AFG3L2: variants seen among roughly 807,000 people sequenced by gnomAD.
The protein encoded by AFG3L2 is mitochondrial inner membrane m-AAA protease component AFG3L2.
In AFG3L2, 54 loss-of-function variants were observed where a neutral mutation model predicts 94.5. The observed-to-expected ratio is 0.57, with a 90% CI of 0.46 to 0.72. AFG3L2 has a LOEUF of 0.72. AFG3L2 is among the 30% of genes least tolerant of loss of function. AFG3L2 has a pLI of 0.00. For missense variants in AFG3L2, 754 were observed against 994.9 expected (o/e 0.76, Z 3.26); for synonymous variants, 377 against 365.5 (o/e 1.03, Z -0.36).
At chr18:12,374,396 G>C (rs777331929) in intron 1 of AFG3L2, among the ~76,000 whole-genome samples, 1 of 152,142 alleles carries the variant, frequency 6.6e-6, no homozygotes, top group Non-Finnish European at 1.5e-5. Context: ...CAACACATCA[G>C]AATCTCTTCC....
chr18:12,351,900 G>A (rs1472490936), intron 10 of AFG3L2, among the ~76,000 whole-genome samples: 1 of 151,998 alleles, frequency 6.6e-6, no homozygotes, highest in African/African-American at 2.4e-5. Context: ...TATTCAGCTC[G>A]TCCTTGAAAA....
chr18:12,344,300 T>G, intron 13 of AFG3L2, 53 bp from the exon 14 acceptor site: 2 of 1,428,948 alleles, frequency 1.4e-6, no homozygotes, highest in Non-Finnish European at 2.0e-6. Flanking sequence ...GACACTGACA[T>G]TAAAAGACAG....
rs757045676 is a variant in AFG3L2, at chr18:12,351,234, A to T, written c.1427-24T>A. ...TCCTTTAGAAATCATTTTTAAGGAAAAGAAAATCATATTGAAACAGTCACA... is the reference window on the plus strand; with the variant it reads ...TCCTTTAGAAATCATTTTTAAGGAATAGAAAATCATATTGAAACAGTCACA... On this transcript the variant is annotated intron_variant, in intron 11 of 16. Transcript: ENST00000269143. 4 of 1,613,930 alleles carry T rather than the reference A, an allele frequency of 2.5e-6. No individual in the cohort carries two copies. In the African/African-American group the frequency reaches 5.3e-5, roughly 22 times the overall value.
intron 13 of AFG3L2, among the ~76,000 whole-genome samples, chr18:12,347,554 A>ATT (rs34215474): frequency 4.3e-5 from 6 of 140,642 alleles, no homozygotes; most frequent in African/African-American, 1.6e-4. Flanking sequence ...TATTATTATT[A>ATT]TTTTTTTTTT....
chr18:12,353,238 G>T, intron 9 of AFG3L2, 80 bp from the exon 10 acceptor site: 1 of 1,544,736 alleles, frequency 6.5e-7, no homozygotes, highest in Admixed American at 1.7e-5. Context: ...AAATCGGCCG[G>T]GCACAGTGGC....
At position 12,344,141 on chromosome 18, in the gene AFG3L2, C is replaced by T. The variant is rs746302967; in HGVS notation, c.1770G>A (p.Pro590=). 9.9e-6 allele frequency: 16 copies of T among 1,613,102 alleles called. No individual in the cohort carries two copies. Among genetic ancestry groups the T allele is most frequent in the Non-Finnish European group, 1.3e-5 (15 of 1,179,976 alleles). The stretch of plus-strand genomic sequence containing the variant: ...AGCTACCCTGCTTCACCTTTAAAAG[C>T]GGGTCTGCGTGCTCCAGATACCAGC... ...VAGWYLEHAD[P]LLKVSIIPRG... is the part of the protein sequence containing the mutation. Residue 590 remains proline (P), a synonymous_variant, in exon 14 of 17, where the codon CCG becomes CCA. Coordinates refer to ENST00000269143, the MANE Select transcript of AFG3L2 (RefSeq NM_006796.3).
intron 16 of AFG3L2, among the ~76,000 whole-genome samples, chr18:12,333,359 TA>T (rs1449760044): frequency 6.0e-5 from 8 of 132,780 alleles, no homozygotes; most frequent in African/African-American, 2.0e-4. Flanking sequence ...TAATTATATA[TA>T]TATATTTTTT....
chr18:12,348,175 C>T (rs1196712819), intron 13 of AFG3L2, 98 bp downstream of exon 13: 35 of 1,037,234 alleles, frequency 3.4e-5, no homozygotes, highest in Non-Finnish European at 5.2e-5. Flanking sequence ...TGAGTGGATA[C>T]ACTTTCTTTG....
In AFG3L2 at chr18:12,351,112, G is replaced by A. The variant is rs550200835; in HGVS notation, c.1525C>T (p.Leu509=). The A allele has an allele frequency of 6.8e-6, 11 of 1,613,406 alleles. No individual in the cohort carries two copies. The South Asian group carries it at 1.2e-4, about 18-fold the overall frequency. ...TLEKDKLARK[L]ASLTPGFSGA... is the part of the protein sequence containing the mutation. ...GAAAACCCTGGAGTTAAAGATGCCA[G>A]TTTTCTTGCCAATTTATCCTTCTCC... Residue 509 remains leucine, a synonymous_variant, in exon 12 of 17, where the codon CTG becomes TTG. Coordinates refer to ENST00000269143, the MANE Select transcript of AFG3L2 (RefSeq NM_006796.3).
rs775109119 is a variant in AFG3L2, at chr18:12,337,217, G to C, written c.2175+124C>G. 8 of 862,350 alleles carry C rather than the reference G, an allele frequency of 9.3e-6. No homozygotes were observed. In the Admixed American group the frequency reaches 1.4e-4, roughly 15 times the overall value. 53.4% of individuals were successfully genotyped at this position (862,350 alleles called of 1,614,324 possible). ...CAGACAACGAAACATCAGAACGAAC[G>C]GACCCATGGGTGAGCCAGAGAGAGG... On this transcript the variant is annotated intron_variant, in intron 16 of 16. Coordinates refer to ENST00000269143, the MANE Select transcript of AFG3L2 (RefSeq NM_006796.3).
chr18:12,372,041 C>G (rs1211425394), intron 1 of AFG3L2, among the ~76,000 whole-genome samples: 1 of 152,172 alleles, frequency 6.6e-6, no homozygotes, highest in African/African-American at 2.4e-5. Flanking sequence ...CGCAGTGGCT[C>G]ACACCTGTAA....
intron 1 of AFG3L2, among the ~76,000 whole-genome samples, chr18:12,371,912 G>A (rs1187624058): frequency 6.6e-6 from 1 of 152,128 alleles, no homozygotes; most frequent in African/African-American, 2.4e-5. Flanking sequence ...CAGAAAACAA[G>A]AATATTTCAA....
intron 16 of AFG3L2, among the ~76,000 whole-genome samples, chr18:12,333,369 T>C (rs55821901): frequency 0.67 from 88,395 of 132,016 alleles, 31,167 homozygotes; most frequent in Non-Finnish European, 0.78. Flanking sequence ...TATATATTTT[T>C]TCCCCCTGAA....
chr18:12,345,184 C>G (rs954694211), intron 13 of AFG3L2, among the ~76,000 whole-genome samples: 2 of 152,214 alleles, frequency 1.3e-5, no homozygotes, highest in African/African-American at 4.8e-5. Flanking sequence ...AGTGGCAGAG[C>G]AGACCCAGAG....
intron 13 of AFG3L2, among the ~76,000 whole-genome samples, chr18:12,348,013 C>T (rs1002606987): frequency 6.6e-5 from 10 of 152,172 alleles, no homozygotes; most frequent in African/African-American, 1.7e-4. Flanking sequence ...GCAAAGCATT[C>T]GTGAGCTGCC....
chr18:12,336,681 C>G (rs1278458868), intron 16 of AFG3L2, among the ~76,000 whole-genome samples: 1 of 152,208 alleles, frequency 6.6e-6, no homozygotes, highest in Non-Finnish European at 1.5e-5. Context: ...TTATAAAAGG[C>G]TTTTACATTT....
At chr18:12,350,588 G>A (rs1463143504) in intron 12 of AFG3L2, among the ~76,000 whole-genome samples, 3 of 152,208 alleles carry the variant, frequency 2.0e-5, no homozygotes, top group Non-Finnish European at 4.4e-5. Flanking sequence ...TAGGTGACAG[G>A]TACAGATGGG....
At chr18:12,338,481 C>T (rs931307377) in intron 15 of AFG3L2, among the ~76,000 whole-genome samples, 1 of 152,050 alleles carries the variant, frequency 6.6e-6, no homozygotes, top group Admixed American at 6.6e-5. Context: ...CTAACCAGCA[C>T]CACAAAGGAG....
intron 16 of AFG3L2, among the ~76,000 whole-genome samples, chr18:12,335,336 C>A (rs1336855681): frequency 2.0e-5 from 3 of 152,184 alleles, no homozygotes; most frequent in African/African-American, 7.2e-5. Context: ...GAGATGCATG[C>A]GTAACTGACA....
Sources: gnomAD v4.1 joint callset for allele counts (sites outside exome capture counted in the v4.1 genomes callset) on GRCh38, gnomAD v4.1.1 for gene constraint, MANE v1.5 for transcripts, NCBI Gene and HGNC (gene_info 2026-07-23, HGNC 2026-07-21) for gene names.